Variants in TENM1 observed in about 807,000 individuals in gnomAD.
TENM1 encodes the protein teneurin-1.
Under a neutral mutation model 174.8 loss-of-function variants are expected in TENM1, and 35 were observed. The observed-to-expected ratio is 0.20, with a 90% CI of 0.15 to 0.27. The LOEUF is 0.27. Ranked by LOEUF, TENM1 falls within the 10% of genes least tolerant of loss-of-function variation. The pLI is 1.00. For synonymous variants in TENM1, 781 were observed against 798.7 expected (o/e 0.98, Z 0.37); for missense variants, 1,633 against 2,130.1 (o/e 0.77, Z 4.59).
chrX:124,447,388 C>T lies in TENM1; in HGVS notation c.4104+5949G>A, dbSNP rs57834485. ...GTTCTCCAGCTTTAGTCCACCTGTG[C>T]CACATCTGGGTGCTGATCTGCCCAC... On this transcript the variant is annotated intron_variant, in intron 23 of 31. Transcript: ENST00000422452. Among the ~76,000 whole-genome samples the T allele has an allele frequency of 6.6e-3, 737 of 111,505 alleles. 5 individuals are homozygous for T. Among genetic ancestry groups the T allele is most frequent in the African/African-American group, 0.022 (683 of 30,691 alleles).
chrX:124,585,092 C>T (rs2049458892), intron 11 of TENM1, among the ~76,000 whole-genome samples: 2 of 110,345 alleles, frequency 1.8e-5, no homozygotes, highest in East Asian at 2.8e-4. Context: ...TAATGGGAGA[C>T]TTTAACACCC....
chrX:125,203,104 A>G, the TENM1 span, among the ~76,000 whole-genome samples: 1 of 112,928 alleles, frequency 8.9e-6, no homozygotes, highest in African/African-American at 3.2e-5. Flanking sequence ...TGACAAAGGT[A>G]TAGGGAGGAC....
At chrX:125,199,310 A>G in the TENM1 span, among the ~76,000 whole-genome samples, 1 of 112,034 alleles carries the variant, frequency 8.9e-6, no homozygotes, top group Non-Finnish European at 1.9e-5. Flanking sequence ...ATAAGCACCC[A>G]GAGAAAAAGT....
chrX:124,958,940 T>C (rs754782803), intron 1 of TENM1, among the ~76,000 whole-genome samples: 2 of 111,095 alleles, frequency 1.8e-5, no homozygotes, highest in Admixed American at 9.6e-5. Context: ...TTTACATAAC[T>C]AGTAAACTTA....
the TENM1 span, among the ~76,000 whole-genome samples, chrX:125,163,822 A>G: frequency 8.9e-6 from 1 of 111,738 alleles, no homozygotes; most frequent in African/African-American, 3.3e-5. Context: ...ACTTCTTTCC[A>G]TAAGGACTTA....
the TENM1 span, among the ~76,000 whole-genome samples, chrX:125,203,495 G>A: frequency 5.3e-5 from 6 of 112,671 alleles, no homozygotes; most frequent in East Asian, 1.4e-3. Flanking sequence ...GAAGCCCAGC[G>A]AGCCCTCGAA....
At chrX:124,988,872 A>G in the TENM1 span, among the ~76,000 whole-genome samples, 3,363 of 111,713 alleles carry the variant, frequency 0.03, 124 homozygotes, top group African/African-American at 0.1. Context: ...CAACAACAAC[A>G]AAAAACCTTT....
chrX:124,754,396 T>G (rs185163894), intron 3 of TENM1, among the ~76,000 whole-genome samples: 1 of 111,844 alleles, frequency 8.9e-6, no homozygotes, highest in Non-Finnish European at 1.9e-5. Flanking sequence ...TTATTAGTCT[T>G]GCTAGCGGTC....
chrX:124,822,832 CA>C (rs2056070186), intron 3 of TENM1, among the ~76,000 whole-genome samples: 1 of 111,749 alleles, frequency 8.9e-6, no homozygotes, highest in African/African-American at 3.3e-5. Flanking sequence ...TTGTCATGGG[CA>C]ACAGAAGCAG....
intron 23 of TENM1, among the ~76,000 whole-genome samples, chrX:124,452,797 A>G (rs1252689389): frequency 2.0e-5 from 2 of 99,340 alleles, no homozygotes; most frequent in Non-Finnish European, 4.0e-5. Flanking sequence ...GTTCTCACTC[A>G]TAGGTGGGAA....
At chrX:124,977,113 G>A in the TENM1 span, among the ~76,000 whole-genome samples, 1 of 111,659 alleles carries the variant, frequency 9.0e-6, no homozygotes, top group Admixed American at 9.5e-5. Context: ...GTCACGTACT[G>A]TATGCCATTG....
intron 11 of TENM1, among the ~76,000 whole-genome samples, chrX:124,632,208 G>T (rs1293998656): frequency 1.8e-5 from 2 of 110,145 alleles, no homozygotes; most frequent in African/African-American, 6.6e-5. Context: ...ACCACGCCCG[G>T]CCCATACTGA....
At chrX:124,912,874 T>G (rs1316761992) in intron 1 of TENM1, among the ~76,000 whole-genome samples, 4 of 111,172 alleles carry the variant, frequency 3.6e-5, no homozygotes, top group Admixed American at 1.9e-4. Context: ...CAAATGGGCC[T>G]TAGGAGAGGT....
At chrX:124,511,278 C>T (rs190566528) in intron 18 of TENM1, among the ~76,000 whole-genome samples, 164 of 111,743 alleles carry the variant, frequency 1.5e-3, no homozygotes, top group Middle Eastern at 4.7e-3. Flanking sequence ...TTTGTAGGTC[C>T]GTGAAAATCT....
chrX:124,591,323 G>T (rs1194315430), intron 11 of TENM1, among the ~76,000 whole-genome samples: 1 of 111,641 alleles, frequency 9.0e-6, no homozygotes, highest in Non-Finnish European at 1.9e-5. Context: ...GCTTTATAGG[G>T]TATGTGGGCT....
intron 5 of TENM1, among the ~76,000 whole-genome samples, chrX:124,675,608 T>TG (rs1325370943): frequency 2.8e-5 from 3 of 108,968 alleles, no homozygotes; most frequent in African/African-American, 1.0e-4. Context: ...GCACTGTTTT[T>TG]TTTTTTTTTT....
At chrX:124,778,286 A>T (rs1043138950) in intron 3 of TENM1, among the ~76,000 whole-genome samples, 1 of 112,110 alleles carries the variant, frequency 8.9e-6, no homozygotes, top group African/African-American at 3.2e-5. Context: ...CTCAGTTTTT[A>T]TGTGGTGACC....
rs748535186 is a variant in TENM1 at position 124,678,028 on chromosome X, TC to T, written c.1016-6194del. 2.2e-4 allele frequency among the ~76,000 whole-genome samples: 25 copies of T among 111,769 alleles called. No individual in the cohort carries two copies. The East Asian group carries it at 7.0e-3, about 31-fold the overall frequency. On this transcript the variant is annotated intron_variant, in intron 5 of 31. Transcript: ENST00000422452. ...CAAAAAGAGAGAGAAAAAGGACTGA[TC>T]AAGTGATATGCTGGAGCTGGCTTAT...
intron 8 of TENM1, 76 bp downstream of exon 11, chrX:124,651,838 C>T: frequency 8.7e-7 from 1 of 1,153,134 alleles, no homozygotes; most frequent in African/African-American, 1.8e-5. Flanking sequence ...TAAATAACCC[C>T]CAGGACACTG....
Sources: allele counts gnomAD v4.1 joint callset (sites outside exome capture counted in the v4.1 genomes callset), GRCh38; gene constraint gnomAD v4.1.1; transcripts MANE v1.5; gene names NCBI Gene and HGNC (gene_info 2026-07-23, HGNC 2026-07-21).